Variants in ZGRF1 observed in about 807,000 individuals in gnomAD.
The protein encoded by ZGRF1 is zinc finger GRF-type containing 1.
ZGRF1 carries 196 observed loss-of-function variants against 203.5 expected under a neutral mutation model. The observed-to-expected ratio is 0.96, with a 90% CI of 0.86 to 1.08. The LOEUF is 1.08. Ranked by LOEUF, ZGRF1 falls within the 50% of genes least tolerant of loss-of-function variation. ZGRF1 has a pLI of 0.00. For synonymous variants in ZGRF1, 809 were observed against 841.3 expected (o/e 0.96, Z 0.66); for missense variants, 2,326 against 2,416.3 (o/e 0.96, Z 0.78).
chr4:112,612,617 CATT>C, intron 6 of ZGRF1, 29 bp from the exon 7 acceptor site: 2 of 1,407,872 alleles, frequency 1.4e-6, no homozygotes, highest in Middle Eastern at 2.3e-4. Context: ...ATAATCATAT[CATT>C]GTTATATATA....
rs1422753578 is a variant in ZGRF1 at position 112,617,440 on chromosome 4, C to T, written c.2602G>A (p.Val868Met). The change falls in exon 6 of 28, where the codon GTG becomes ATG. Residue 868 changes from valine to methionine, a missense_variant and splice_region_variant. Val to Met is a conservative substitution (Grantham distance 21). Transcript: ENST00000505019. ...TCCAAAATAGACATGCAATTCTAAC[C>T]TTCAGGAGGGCTATCTGGCTCATAC... Reference protein sequence around the residue: ...QTYEPDSPPEVRKPFITVVSP... With the variant: ...QTYEPDSPPEMRKPFITVVSP... 3 of 1,533,256 alleles carry T rather than the reference C, an allele frequency of 2.0e-6. No homozygotes were observed. Among genetic ancestry groups the T allele is most frequent in the Non-Finnish European group, 2.6e-6 (3 of 1,145,494 alleles). 95.0% of individuals were successfully genotyped at this position (1,533,256 alleles called of 1,614,324 possible). A position where few individuals can be genotyped will look rare whatever the true frequency, so the allele number is the denominator to read the frequency against.
intron 12 of ZGRF1, among the ~76,000 whole-genome samples, chr4:112,586,906 T>C (rs1251126731): frequency 6.6e-6 from 1 of 152,194 alleles, no homozygotes; most frequent in African/African-American, 2.4e-5. Context: ...ATAAGGATTA[T>C]TCACAATTAA....
intron 10 of ZGRF1, among the ~76,000 whole-genome samples, chr4:112,597,873 G>C (rs956746923): frequency 5.6e-5 from 8 of 143,468 alleles, no homozygotes; most frequent in Non-Finnish European, 9.0e-5. Context: ...GACAGAGCCA[G>C]ACTGTCTCAA....
intron 3 of ZGRF1, among the ~76,000 whole-genome samples, chr4:112,627,645 C>G (rs895024778): frequency 6.6e-6 from 1 of 152,182 alleles, no homozygotes; most frequent in Admixed American, 6.5e-5. Flanking sequence ...GAGGCTGAGG[C>G]CCAAGAATCA....
intron 10 of ZGRF1, among the ~76,000 whole-genome samples, chr4:112,599,749 C>T (rs1749635601): frequency 6.6e-6 from 1 of 151,914 alleles, no homozygotes; most frequent in Non-Finnish European, 1.5e-5. Context: ...AAAGAAAACA[C>T]ATGCTTTGTG....
chr4:112,558,051 A>G, intron 20 of ZGRF1, 99 bp downstream of exon 20: 2 of 947,182 alleles, frequency 2.1e-6, no homozygotes, highest in Non-Finnish European at 3.2e-6. Context: ...TTCTTGGCAT[A>G]ACCAGCAAGA....
At chr4:112,622,084 A>T (rs190660204) in intron 4 of ZGRF1, among the ~76,000 whole-genome samples, 45 of 152,248 alleles carry the variant, frequency 3.0e-4, no homozygotes, top group Non-Finnish European at 6.2e-4. Flanking sequence ...CCATATACTA[A>T]GATACTGATT....
At chr4:112,605,936 T>G in intron 9 of ZGRF1, 72 bp downstream of exon 9, 1 of 989,746 alleles carries the variant, frequency 1.0e-6, no homozygotes, top group Non-Finnish European at 1.6e-6. Context: ...TACTTGTTTT[T>G]TTGTTTTTTT....
rs754797491 is a variant in ZGRF1, at chr4:112,618,024, T to C, written c.2018A>G (p.Tyr673Cys). The stretch of plus-strand genomic sequence containing the variant: ...TTTATTCGGGGGTAAAGCAAAATCA[T>C]AGTTAATTCTGACTTCTTGAATAGG... Reference protein sequence around the residue: ...NKPIQEVRINYDFALPPNKSK... With the variant: ...NKPIQEVRINCDFALPPNKSK... Residue 673 changes from tyrosine (Y) to cysteine (C), a missense_variant, in exon 6 of 28, where the codon TAT (tyrosine) becomes TGT (cysteine). Tyr to Cys is a radical substitution (Grantham distance 194, BLOSUM62 -2). Coordinates refer to ENST00000505019, the MANE Select transcript of ZGRF1 (RefSeq NM_018392.5). 4.3e-6 allele frequency: 7 copies of C among 1,612,852 alleles called. No individual in the cohort carries two copies. The highest frequency in any genetic ancestry group is 2.2e-5 in the East Asian group (1 of 44,862).
rs1476796923 is a variant in ZGRF1, at chr4:112,561,950, G to A, written c.4697+421C>T. ...TTTTTTTTGAGATAGAGTTTCACTT[G>A]TTGCCCAGGCTGGGGTGCAATGGCA... On this transcript the variant is annotated intron_variant, in intron 18 of 27. Transcript: ENST00000505019. Among the ~76,000 whole-genome samples, 10 of 77,610 alleles carry A rather than the reference G, an allele frequency of 1.3e-4. No individual in the cohort carries two copies. In the Admixed American group the frequency reaches 1.9e-3, roughly 14 times the overall value. 50.9% of individuals were successfully genotyped at this position (77,610 alleles called of 152,430 possible).
Position 112,619,487 on chromosome 4 carries a change from C to T in ZGRF1, c.555G>A (p.Arg185=). ...AAGAAAAATCCATGGCATTTCTCTC[C>T]CTGTTCTTGTAAGTCACAATGTTCT... ...DPENIVTYKN[R]ERNAMDFSSV... is the part of the protein sequence containing the mutation. The change falls in exon 6 of 28, where the codon AGG becomes AGA. Residue 185 remains arginine, a synonymous_variant. Transcript: ENST00000505019. 1 of 1,613,204 alleles carries T rather than the reference C, an allele frequency of 6.2e-7. No homozygotes were observed. Among genetic ancestry groups the T allele is most frequent in the Non-Finnish European group, 8.5e-7 (1 of 1,179,582 alleles).
chr4:112,549,620 C>A (rs1042191875), intron 22 of ZGRF1, among the ~76,000 whole-genome samples: 65 of 152,102 alleles, frequency 4.3e-4, no homozygotes, highest in African/African-American at 1.4e-3. Flanking sequence ...TGTGGTGATA[C>A]CGGTGTAAAC....
chr4:112,562,236 G>A, intron 18 of ZGRF1, 135 bp downstream of exon 18: 1 of 610,272 alleles, frequency 1.6e-6, no homozygotes, highest in Non-Finnish European at 2.9e-6. Context: ...CACTGACAGA[G>A]AATAATGTCA....
chr4:112,623,728 T>C (rs1255769670), intron 4 of ZGRF1, 89 bp downstream of exon 4: 1 of 694,934 alleles, frequency 1.4e-6, no homozygotes, highest in Non-Finnish European at 2.5e-6. Context: ...AGTATTAATA[T>C]TATGACTACA....
Position 112,609,837 on chromosome 4 carries a change from T to C in ZGRF1, c.2668-408A>G, listed in dbSNP as rs113848909. Among the ~76,000 whole-genome samples the C allele has an allele frequency of 1.2e-3, 187 of 151,456 alleles. 1 individual carries two copies. Among genetic ancestry groups the C allele is most frequent in the African/African-American group, 4.1e-3 (171 of 41,312 alleles). On this transcript the variant is annotated intron_variant, in intron 7 of 27. Coordinates refer to ENST00000505019, the MANE Select transcript of ZGRF1 (RefSeq NM_018392.5). ...AAAAAAAAGAAATACTAGAACACCA[T>C]CACTAATATGAAATAAAAACTGGCC... is the stretch of plus-strand genomic sequence containing the variant.
chr4:112,565,405 A>G, intron 16 of ZGRF1: 1 of 810,566 alleles, frequency 1.2e-6, no homozygotes, highest in Non-Finnish European at 2.1e-6. Context: ...TTTAGAATCC[A>G]CTATGATGGG....
intron 8 of ZGRF1, 60 bp downstream of exon 8, chr4:112,609,319 C>A: frequency 1.3e-6 from 1 of 780,596 alleles, no homozygotes; most frequent in Non-Finnish European, 2.0e-6. Context: ...TCCCAAAGTG[C>A]TGGGATTACA....
intron 16 of ZGRF1, among the ~76,000 whole-genome samples, chr4:112,569,494 G>C (rs545594944): frequency 2.6e-5 from 4 of 152,178 alleles, no homozygotes; most frequent in Non-Finnish European, 5.9e-5. Context: ...ACTCTACCTT[G>C]AGTAGCACTA....
rs1747172483 is a variant in ZGRF1 at position 112,586,312 on chromosome 4, C to T, written c.3916+133G>A. The T allele has an allele frequency of 2.5e-5, 15 of 608,186 alleles. No homozygotes were observed. In the South Asian group the frequency reaches 3.6e-4, roughly 15 times the overall value. The allele number at this position is 608,186 out of a possible 1,614,324, so 37.7% of individuals were successfully genotyped here. On this transcript the variant is annotated intron_variant, in intron 13 of 27. Transcript: ENST00000505019. ...TGATCTGAAATTAGAATAAAAGTTA[C>T]TGTCAAAAACTAGAACATATGAAAA...
Sources: allele counts gnomAD v4.1 joint callset (sites outside exome capture counted in the v4.1 genomes callset), GRCh38; gene constraint gnomAD v4.1.1; transcripts MANE v1.5; gene names NCBI Gene and HGNC (gene_info 2026-07-23, HGNC 2026-07-21).